The following ADAMTS20 variants were observed in gnomAD, a reference collection of about 807,000 sequenced individuals.
The protein encoded by ADAMTS20 is A disintegrin and metalloproteinase with thrombospondin motifs 20.
In ADAMTS20, 225 loss-of-function variants were observed where a neutral mutation model predicts 260.1. That is an observed-to-expected ratio of 0.87 (90% CI 0.78 to 0.97). The LOEUF (loss-of-function observed/expected upper bound fraction) is 0.97, where lower values mean the gene tolerates loss of function less well. Among genes scored for constraint, ADAMTS20 ranks in the 50% least tolerant of loss-of-function variants. The pLI, the probability that ADAMTS20 is intolerant of heterozygous loss-of-function variation, is 0.00. For synonymous variants in ADAMTS20, 802 were observed against 769.5 expected, an observed-to-expected ratio of 1.04 and a Z score of -0.70; for missense variants, 2,400 against 2,337.7, an observed-to-expected ratio of 1.03 and a Z score of -0.55.
At chr12:43,400,838 A>C (rs1388287959) in intron 28 of ADAMTS20, among the ~76,000 whole-genome samples, 1 of 151,964 alleles carries the variant, frequency 6.6e-6, no homozygotes, top group Non-Finnish European at 1.5e-5. Flanking sequence ...TTAAATTGTT[A>C]CTTTTTGAAC....
chr12:43,410,871 G>T (rs906960006), intron 28 of ADAMTS20, among the ~76,000 whole-genome samples: 1 of 152,160 alleles, frequency 6.6e-6, no homozygotes, highest in African/African-American at 2.4e-5. Context: ...GGGCTATATT[G>T]TATTATGTAT....
At chr12:43,386,212 C>T (rs1940473883) in intron 29 of ADAMTS20, among the ~76,000 whole-genome samples, 1 of 152,118 alleles carries the variant, frequency 6.6e-6, no homozygotes, top group African/African-American at 2.4e-5. Flanking sequence ...TATTTGTTTG[C>T]TCTTGCTTCT....
intron 29 of ADAMTS20, 48 bp from the exon 30 acceptor site, chr12:43,384,025 A>C: frequency 4.6e-6 from 7 of 1,524,222 alleles, no homozygotes; most frequent in Non-Finnish European, 5.3e-6. Flanking sequence ...TAAATACCAA[A>C]TTATATAAAA....
chr12:43,550,573 A>T (rs577166547), intron 2 of ADAMTS20, among the ~76,000 whole-genome samples: 1 of 152,334 alleles, frequency 6.6e-6, no homozygotes, highest in Admixed American at 6.5e-5. Flanking sequence ...GAAAGGGTAC[A>T]TCTGAGTCAA....
chr12:43,518,564 C>A (rs1359864712), intron 3 of ADAMTS20, among the ~76,000 whole-genome samples: 1 of 152,054 alleles, frequency 6.6e-6, no homozygotes, highest in African/African-American at 2.4e-5. Flanking sequence ...ATTCCCCAGA[C>A]AATCTCATTC....
At chr12:43,415,837 A>C (rs1941119694) in intron 28 of ADAMTS20, among the ~76,000 whole-genome samples, 1 of 152,204 alleles carries the variant, frequency 6.6e-6, no homozygotes, top group Non-Finnish European at 1.5e-5. Context: ...CTTTTGGTAA[A>C]GTCAAGATTA....
At chr12:43,405,985 T>C (rs1253944657) in intron 28 of ADAMTS20, among the ~76,000 whole-genome samples, 1 of 152,188 alleles carries the variant, frequency 6.6e-6, no homozygotes, top group Non-Finnish European at 1.5e-5. Context: ...ATGCTGAGGG[T>C]TCATGCAACC....
At chr12:43,482,527 C>A (rs1455907144) in intron 7 of ADAMTS20, among the ~76,000 whole-genome samples, 2 of 149,630 alleles carry the variant, frequency 1.3e-5, no homozygotes, top group Admixed American at 6.6e-5. Context: ...AGTGTAGATT[C>A]TTTTGTGTAG....
At chr12:43,477,891 C>T (rs1035100565) in intron 7 of ADAMTS20, among the ~76,000 whole-genome samples, 1 of 152,110 alleles carries the variant, frequency 6.6e-6, no homozygotes, top group Non-Finnish European at 1.5e-5. Flanking sequence ...GTTATGAACA[C>T]CCTTTGGACT....
chr12:43,360,858 A>G (rs906941498), intron 37 of ADAMTS20, among the ~76,000 whole-genome samples: 1 of 152,194 alleles, frequency 6.6e-6, no homozygotes, highest in Non-Finnish European at 1.5e-5. Context: ...CATTCCAAAT[A>G]TCTAACAACT....
At chr12:43,425,007 C>A (rs1192845442) in intron 28 of ADAMTS20, among the ~76,000 whole-genome samples, 1 of 151,756 alleles carries the variant, frequency 6.6e-6, no homozygotes, top group Non-Finnish European at 1.5e-5. Context: ...GCAAAAGAGA[C>A]AAAACAAAAC....
At chr12:43,423,993 C>T (rs1941284266) in intron 28 of ADAMTS20, 2 of 664,724 alleles carry the variant, frequency 3.0e-6, no homozygotes, top group Non-Finnish European at 5.4e-6. Flanking sequence ...TGAATTTCAG[C>T]CTGAACCAGA....
intron 7 of ADAMTS20, among the ~76,000 whole-genome samples, chr12:43,470,493 G>A (rs755940529): frequency 6.6e-6 from 1 of 152,160 alleles, no homozygotes; most frequent in Non-Finnish European, 1.5e-5. Flanking sequence ...AAAGTAAATG[G>A]TTAATATTAT....
intron 18 of ADAMTS20, 34 bp downstream of exon 18, chr12:43,439,588 T>G: frequency 6.3e-7 from 1 of 1,577,750 alleles, no homozygotes; most frequent in Non-Finnish European, 8.6e-7. Context: ...GAATGCACAG[T>G]CAGTCTTTTC....
At chr12:43,477,042 AG>A (rs1942367732) in intron 7 of ADAMTS20, among the ~76,000 whole-genome samples, 1 of 145,066 alleles carries the variant, frequency 6.9e-6, no homozygotes, top group Non-Finnish European at 1.5e-5. Context: ...TTTAAATAAA[AG>A]ACCTCTAAAT....
intron 24 of ADAMTS20, 70 bp from the exon 25 acceptor site, chr12:43,428,869 T>C: frequency 1.5e-6 from 2 of 1,340,954 alleles, no homozygotes; most frequent in Non-Finnish European, 2.0e-6. Context: ...TTTACATAGC[T>C]GTTACTCACA....
chr12:43,426,151 A>G (rs1941329279), intron 27 of ADAMTS20, among the ~76,000 whole-genome samples: 1 of 152,200 alleles, frequency 6.6e-6, no homozygotes, highest in South Asian at 2.1e-4. Context: ...TGTTCAGTAT[A>G]TATAATATAA....
At chr12:43,487,440 A>AG (rs921396155) in intron 7 of ADAMTS20, among the ~76,000 whole-genome samples, 1 of 47,572 alleles carries the variant, frequency 2.1e-5, no homozygotes, top group African/African-American at 8.6e-5. Flanking sequence ...GGAGGGTGGG[A>AG]GGGGGGTGAG....
At chr12:43,546,957 T>TA (rs1211082773) in intron 2 of ADAMTS20, among the ~76,000 whole-genome samples, 1 of 152,182 alleles carries the variant, frequency 6.6e-6, no homozygotes, top group Non-Finnish European at 1.5e-5. Flanking sequence ...GCCAGACTCT[T>TA]AGACTCTTCT....
Sources: allele counts gnomAD v4.1 joint callset (sites outside exome capture counted in the v4.1 genomes callset), GRCh38; gene constraint gnomAD v4.1.1; transcripts MANE v1.5; gene names NCBI Gene and HGNC (gene_info 2026-07-23, HGNC 2026-07-21).